Variants in DNAH2 observed in about 807,000 individuals in gnomAD.
The protein encoded by DNAH2 is dynein axonemal heavy chain 2.
A neutral mutation model predicts 523.5 loss-of-function variants in DNAH2; 323 were observed. The observed-to-expected ratio is 0.62, with a 90% CI of 0.56 to 0.68. The LOEUF is 0.68. Among genes scored for constraint, DNAH2 ranks in the 30% least tolerant of loss-of-function variants. DNAH2 has a pLI of 0.00. For missense variants in DNAH2, 4,907 were observed against 5,701.5 expected (o/e 0.86, Z 4.49); for synonymous variants, 2,093 against 2,177.4 (o/e 0.96, Z 1.08).
Position 7,797,516 on chromosome 17 carries a change from G to A in DNAH2, c.8066G>A (p.Arg2689His), listed in dbSNP as rs1405281303. 8 of 1,614,018 alleles carry A rather than the reference G, an allele frequency of 5.0e-6. No individual in the cohort carries two copies. The highest frequency in any genetic ancestry group is 1.6e-4 in the Middle Eastern group (1 of 6,084). Residue 2689 changes from arginine to histidine, a missense_variant, in exon 52 of 86, where the codon CGT becomes CAT. By Grantham distance (29) the Arg-to-His change is conservative. Transcript: ENST00000572933. ...LTFHHLCPSK[R>H]PPIFGDFLKE... ...TTTCATCATCTCTGTCCCAGCAAGC[G>A]TCCTCCTATCTTTGGTGAGCCAGGA... is the stretch of plus-strand genomic sequence containing the variant.
chr17:7,823,397 A>G (rs1567759181), intron 73 of DNAH2, 45 bp from the exon 74 acceptor site: 11 of 1,556,126 alleles, frequency 7.1e-6, no homozygotes, highest in Non-Finnish European at 9.7e-6. Context: ...CTTCTTTTGA[A>G]GTATTCCCAA....
At chr17:7,723,558 C>A in intron 2 of DNAH2, 70 bp from the exon 3 acceptor site, 1 of 1,351,194 alleles carries the variant, frequency 7.4e-7, no homozygotes. Flanking sequence ...AGGTGTGAGC[C>A]ACCGCGCCCA....
At chr17:7,749,400 G>A (rs1193247082) in intron 12 of DNAH2, among the ~76,000 whole-genome samples, 2 of 147,276 alleles carry the variant, frequency 1.4e-5, no homozygotes, top group Non-Finnish European at 3.0e-5. Context: ...ATTTGTTTTG[G>A]TGCAATGTTG....
rs114186635 is a variant in DNAH2, at chr17:7,772,523, G to A, written c.4501+1055G>A. On this transcript the variant is annotated intron_variant, in intron 28 of 85. Transcript: ENST00000572933. The stretch of plus-strand genomic sequence containing the variant: ...GCCTGTGATCTCCAGGGGTCACTCA[G>A]GTTTGACTCAAAGGATCCAACAGCC... Among the ~76,000 whole-genome samples, 205 of 152,308 alleles carry A rather than the reference G, an allele frequency of 1.3e-3. 1 individual carries two copies. Among genetic ancestry groups the A allele is most frequent in the African/African-American group, 4.8e-3 (199 of 41,574 alleles).
At chr17:7,799,861 C>T (rs1014608519) in intron 56 of DNAH2, among the ~76,000 whole-genome samples, 1 of 152,148 alleles carries the variant, frequency 6.6e-6, no homozygotes, top group Non-Finnish European at 1.5e-5. Context: ...TCATCTTAAT[C>T]GTTTCTGAGT....
intron 14 of DNAH2, 87 bp downstream of exon 14, chr17:7,758,738 G>A (rs1567649703): frequency 1.2e-5 from 18 of 1,561,898 alleles, no homozygotes; most frequent in Non-Finnish European, 1.6e-5. Flanking sequence ...GGAAACCTGG[G>A]GGTAGTGTAA....
At chr17:7,805,866 A>C (rs557530597) in intron 61 of DNAH2, among the ~76,000 whole-genome samples, 35 of 152,266 alleles carry the variant, frequency 2.3e-4, no homozygotes, top group Non-Finnish European at 4.0e-4. Flanking sequence ...AAGAAAAAAA[A>C]AGATTATTTA....
chr17:7,771,584 A>C, intron 28 of DNAH2, 116 bp downstream of exon 28: 2 of 1,132,908 alleles, frequency 1.8e-6, no homozygotes, highest in Non-Finnish European at 2.5e-6. Context: ...AACATTTCCC[A>C]TCTCCATCAC....
At position 7,793,204 on chromosome 17, in the gene DNAH2, G is replaced by T. The variant is rs749633489; in HGVS notation, c.7568G>T (p.Arg2523Leu). 2 of 1,612,942 alleles carry T rather than the reference G, an allele frequency of 1.2e-6. No homozygotes were observed. The highest frequency in any genetic ancestry group is 4.5e-5 in the East Asian group (2 of 44,842). ...DRTKQTIKYIREMFLMAAMGP... is the reference protein window; with the variant it reads ...DRTKQTIKYILEMFLMAAMGP... ...ACGAAGCAGACCATCAAGTACATTC[G>T]AGTAAGCCTCGCTAGAGTCTGTTCT... The change falls in exon 48 of 86, where the codon CGA becomes CTA. Residue 2523 changes from arginine to leucine, a missense_variant and splice_region_variant. This residue lies in a region of DNAH2 where 250 missense variants were observed against 371.3 expected (regional missense o/e 0.67). Coordinates refer to ENST00000572933, the MANE Select transcript of DNAH2 (RefSeq NM_020877.5).
At chr17:7,751,944 T>TGTGC (rs2075695411) in intron 12 of DNAH2, among the ~76,000 whole-genome samples, 1 of 150,536 alleles carries the variant, frequency 6.6e-6, no homozygotes, top group South Asian at 2.2e-4. Context: ...TGTGTGTGTG[T>TGTGC]GTGCGTGTTT....
In DNAH2 at chr17:7,792,748, C is replaced by G. The variant is rs1344829492; in HGVS notation, c.7237C>G (p.Leu2413Val). Residue 2413 changes from leucine to valine, a missense_variant, in exon 47 of 86, where the codon CTG becomes GTG. By Grantham distance (32) the Leu-to-Val change is conservative. This residue lies in a region of DNAH2 where 2,806 missense variants were observed against 3,190.8 expected (regional missense o/e 0.88). Transcript: ENST00000572933. ...CTTGGTGGCCAACCAGAATCCCATT[C>G]TGCTGGTGGGTCCCGTGGGGACTGG... ...SSLVANQNPI[L>V]LVGPVGTGKT... 4.3e-6 allele frequency: 7 copies of G among 1,614,166 alleles called. No homozygotes were observed. Among genetic ancestry groups the G allele is most frequent in the Non-Finnish European group, 5.9e-6 (7 of 1,180,020 alleles).
At position 7,817,604 on chromosome 17, in the gene DNAH2, A is replaced by T. The variant is rs528211666; in HGVS notation, c.10064A>T (p.Asp3355Val). ...CCTTGCTCCCCTTCTTTCGCCATCG[A>T]TAACTTCCTGTGCAATCCTACCAAA... ...QVPCSPSFAI[D>V]NFLCNPTKVR... is the part of the protein sequence containing the mutation. The change falls in exon 66 of 86, where the codon GAT (aspartate) becomes GTT (valine). Residue 3355 changes from aspartate (D) to valine (V), a missense_variant. Physicochemically the swap from Asp to Val is radical, Grantham distance 152. Transcript: ENST00000572933. 6.2e-7 allele frequency: 1 copy of T among 1,614,130 alleles called. No homozygotes were observed. The highest frequency in any genetic ancestry group is 1.7e-5 in the Admixed American group (1 of 60,002).
At chr17:7,799,048 C>G in intron 55 of DNAH2, 55 bp from the exon 56 acceptor site, 1 of 1,595,786 alleles carries the variant, frequency 6.3e-7, no homozygotes, top group East Asian at 2.3e-5. Context: ...CCGCTGCCCC[C>G]GCTGATTCTG....
At chr17:7,770,429 G>C (rs750656165) in intron 25 of DNAH2, 21 bp downstream of exon 25, 2 of 1,611,280 alleles carry the variant, frequency 1.2e-6, no homozygotes, top group East Asian at 4.5e-5. Context: ...CCCCTCCCAT[G>C]CTCCCACACC....
intron 12 of DNAH2, among the ~76,000 whole-genome samples, chr17:7,756,482 C>T (rs112761764): frequency 0.056 from 8,456 of 151,606 alleles, 386 homozygotes; most frequent in Admixed American, 0.12. Flanking sequence ...CACTATGTTG[C>T]CCAGGCTGGT....
Position 7,774,818 on chromosome 17 carries a change from G to A in DNAH2, c.4561G>A (p.Asp1521Asn), listed in dbSNP as rs757638623. Residue 1521 changes from aspartate to asparagine, a missense_variant, in exon 29 of 86, where the codon GAT becomes AAT. Physicochemically the swap from Asp to Asn is conservative, Grantham distance 23 (BLOSUM62 1). Transcript: ENST00000572933. ...TILEDIQKSL[D>N]MYLETKRHIF... The stretch of plus-strand genomic sequence containing the variant: ...CCTGGAAGATATTCAGAAATCTCTG[G>A]ATATGTATTTAGAGACCAAGCGACA... The A allele has an allele frequency of 9.6e-5, 155 of 1,614,052 alleles. No homozygotes were observed. The highest frequency in any genetic ancestry group is 1.3e-4 in the Non-Finnish European group (152 of 1,180,032).
In DNAH2 at chr17:7,742,930, C is replaced by A. The variant is rs781048550; in HGVS notation, c.1692C>A (p.Cys564Ter). 1.4e-6 allele frequency: 2 copies of A among 1,462,782 alleles called. No individual in the cohort carries two copies. Among genetic ancestry groups the A allele is most frequent in the South Asian group, 1.6e-5 (1 of 61,512 alleles). 90.6% of individuals were successfully genotyped at this position (1,462,782 alleles called of 1,614,324 possible). The change falls in exon 12 of 86, where the codon TGC becomes TGA. Residue 564 changes from cysteine to a stop codon, truncating the protein, a stop_gained and splice_region_variant. Coordinates refer to ENST00000572933, the MANE Select transcript of DNAH2 (RefSeq NM_020877.5). LOFTEE classifies it high-confidence loss of function. The stretch of plus-strand genomic sequence containing the variant: ...CCACCTGTTCTTCTTCCCCTCAGTG[C>A]CTTGCTGGTGCTCATTTCCTGCCCC... Reference protein sequence around the residue: ...LRRRIDRVMTCLAGAHFLPRI... With the variant: ...LRRRIDRVMT
intron 60 of DNAH2, 21 bp from the exon 61 acceptor site, chr17:7,805,231 C>T: frequency 6.2e-7 from 1 of 1,613,796 alleles, no homozygotes; most frequent in Non-Finnish European, 8.5e-7. Flanking sequence ...CTTACCCTCA[C>T]TTTATCCCCT....
chr17:7,806,645 C>T (rs1238553025), intron 61 of DNAH2, among the ~76,000 whole-genome samples: 1 of 119,838 alleles, frequency 8.3e-6, no homozygotes, highest in African/African-American at 3.2e-5. Flanking sequence ...GGCAACAGAG[C>T]GACACTCCAT....
Sources: allele counts gnomAD v4.1 joint callset (sites outside exome capture counted in the v4.1 genomes callset), GRCh38; gene constraint gnomAD v4.1.1; regional missense constraint gnomAD v4.1.1; transcripts MANE v1.5; gene names NCBI Gene and HGNC (gene_info 2026-07-23, HGNC 2026-07-21).